The following RASGEF1C variants were observed in gnomAD, a reference collection of about 807,000 sequenced individuals.
RASGEF1C encodes the protein ras-GEF domain-containing family member 1C.
In RASGEF1C, 27 loss-of-function variants were observed where a neutral mutation model predicts 58.1. The ratio of observed to expected loss-of-function variants is 0.46; its 90% CI spans 0.34 to 0.64. The LOEUF is 0.64. RASGEF1C is among the 30% of genes least tolerant of loss of function. RASGEF1C has a pLI of 0.01. For synonymous variants in RASGEF1C, 243 were observed against 246.3 expected (o/e 0.99, Z 0.13); for missense variants, 502 against 605.1 (o/e 0.83, Z 1.79).
chr5:180,181,472 G>A (rs561001004), intron 1 of RASGEF1C, among the ~76,000 whole-genome samples: 12 of 152,258 alleles, frequency 7.9e-5, no homozygotes, highest in African/African-American at 2.9e-4. Context: ...AGGCCACACT[G>A]GAGTGGAGTG....
At chr5:180,180,387 A>G (rs1241995158) in intron 1 of RASGEF1C, among the ~76,000 whole-genome samples, 3 of 152,220 alleles carry the variant, frequency 2.0e-5, no homozygotes, top group Non-Finnish European at 2.9e-5. Flanking sequence ...GTTTGAGACG[A>G]GCTCCACGAC....
At chr5:180,157,475 T>A (rs6873598) in intron 1 of RASGEF1C, among the ~76,000 whole-genome samples, 80,035 of 151,182 alleles carry the variant, frequency 0.53, 22,046 homozygotes, top group East Asian at 0.69. Flanking sequence ...AAAAAATACA[T>A]AATTAGCCGG....
intron 1 of RASGEF1C, among the ~76,000 whole-genome samples, chr5:180,153,355 T>C (rs1408029011): frequency 4.6e-5 from 7 of 152,140 alleles, no homozygotes; most frequent in Non-Finnish European, 1.0e-4. Context: ...CAGCCTGCCA[T>C]GGGATTTGGG....
At chr5:180,103,366 C>T (rs534741122) in intron 12 of RASGEF1C, among the ~76,000 whole-genome samples, 150 of 152,314 alleles carry the variant, frequency 9.8e-4, no homozygotes, top group South Asian at 5.2e-3. Flanking sequence ...CGTGAGCCAC[C>T]GCACCCGGCA....
chr5:180,138,354 C>T (rs1004379386), intron 1 of RASGEF1C: 6 of 299,646 alleles, frequency 2.0e-5, no homozygotes, highest in Admixed American at 5.1e-5. Flanking sequence ...CCCCCCGGCA[C>T]CCCTCCACGA....
At chr5:180,152,636 C>T (rs1382565507) in intron 1 of RASGEF1C, among the ~76,000 whole-genome samples, 1 of 150,144 alleles carries the variant, frequency 6.7e-6, no homozygotes, top group Admixed American at 6.6e-5. Flanking sequence ...ATGGGTGCAG[C>T]ACACCAACAT....
At chr5:180,192,383 C>T (rs1561757430) in intron 1 of RASGEF1C, among the ~76,000 whole-genome samples, 1 of 152,152 alleles carries the variant, frequency 6.6e-6, no homozygotes, top group African/African-American at 2.4e-5. Flanking sequence ...AGCGTCCTCA[C>T]TGGGGTGAGG....
chr5:180,195,863 T>C (rs1234095570), intron 1 of RASGEF1C, among the ~76,000 whole-genome samples: 1 of 151,824 alleles, frequency 6.6e-6, no homozygotes, highest in Non-Finnish European at 1.5e-5. Flanking sequence ...CCGTGCATCC[T>C]CCCTGCCCAC....
rs1007846005 is a variant in RASGEF1C at position 180,101,165 on chromosome 5, G to A, written c.*336C>T. 5 of 330,568 alleles carry A rather than the reference G, an allele frequency of 1.5e-5. No homozygotes were observed. The highest frequency in any genetic ancestry group is 9.8e-5 in the South Asian group (1 of 10,248). The allele number at this position is 330,568 out of a possible 1,614,324, so 20.5% of individuals were successfully genotyped here. A position where few individuals can be genotyped will look rare whatever the true frequency, so the allele number is the denominator to read the frequency against. ...GGCACATGTCACCAAGCAAGGTCTC[G>A]AGCTTGCAGTGGTCCCACCCTCTGG... On this transcript the variant is annotated 3_prime_UTR_variant, in exon 14 of 14. Coordinates refer to ENST00000361132, the MANE Select transcript of RASGEF1C (RefSeq NM_175062.4).
At chr5:180,182,203 T>C (rs1767348068) in intron 1 of RASGEF1C, among the ~76,000 whole-genome samples, 1 of 28,666 alleles carries the variant, frequency 3.5e-5, no homozygotes, top group Admixed American at 5.3e-4. Flanking sequence ...AGACTCCGTC[T>C]CAAAAAAAAA....
chr5:180,133,402 C>T (rs1205639987), intron 4 of RASGEF1C, among the ~76,000 whole-genome samples: 1 of 152,180 alleles, frequency 6.6e-6, no homozygotes, highest in Admixed American at 6.5e-5. Flanking sequence ...CCACTGCTGT[C>T]TCCTCTGCAG....
At chr5:180,202,672 A>G (rs1396196351) in intron 1 of RASGEF1C, among the ~76,000 whole-genome samples, 1 of 152,108 alleles carries the variant, frequency 6.6e-6, no homozygotes, top group Non-Finnish European at 1.5e-5. Flanking sequence ...ATAGAAAGCA[A>G]GCAAGCAGGA....
chr5:180,146,265 C>G (rs1172278948), intron 1 of RASGEF1C, among the ~76,000 whole-genome samples: 1 of 152,208 alleles, frequency 6.6e-6, no homozygotes, highest in Non-Finnish European at 1.5e-5. Flanking sequence ...GTCTCAGCCT[C>G]ATGAATAGCT....
intron 1 of RASGEF1C, among the ~76,000 whole-genome samples, chr5:180,179,610 G>C (rs1767289234): frequency 6.6e-6 from 1 of 152,220 alleles, no homozygotes; most frequent in South Asian, 2.1e-4. Flanking sequence ...GGGTGAGGAG[G>C]CTCCCACGCT....
chr5:180,122,440 T>C (rs1457771414), intron 6 of RASGEF1C, among the ~76,000 whole-genome samples: 2 of 152,220 alleles, frequency 1.3e-5, no homozygotes, highest in African/African-American at 4.8e-5. Context: ...TAAATGTGTT[T>C]GTTAAAACTG....
chr5:180,109,043 C>T (rs1765913019), intron 12 of RASGEF1C, among the ~76,000 whole-genome samples: 1 of 152,178 alleles, frequency 6.6e-6, no homozygotes, highest in South Asian at 2.1e-4. Context: ...TAAAATGCCC[C>T]CCTTTTCTCC....
Position 180,101,171 on chromosome 5 carries a change from G to T in RASGEF1C, c.*330C>A, listed in dbSNP as rs1488829217. 1 of 361,452 alleles carries T rather than the reference G, an allele frequency of 2.8e-6. No homozygotes were observed. The highest frequency in any genetic ancestry group is 2.1e-5 in the African/African-American group (1 of 48,452). 22.4% of individuals were successfully genotyped at this position (361,452 alleles called of 1,614,324 possible). On this transcript the variant is annotated 3_prime_UTR_variant, in exon 14 of 14. Coordinates refer to ENST00000361132, the MANE Select transcript of RASGEF1C (RefSeq NM_175062.4). The stretch of plus-strand genomic sequence containing the variant: ...TGTCACCAAGCAAGGTCTCGAGCTT[G>T]CAGTGGTCCCACCCTCTGGGGCAGT...
chr5:180,201,631 C>T, intron 1 of RASGEF1C, among the ~76,000 whole-genome samples: 1 of 152,224 alleles, frequency 6.6e-6, no homozygotes, highest in East Asian at 1.9e-4. Context: ...CCACACGCAA[C>T]ACCTCAACTT....
chr5:180,152,789 T>TA (rs1766782844), intron 1 of RASGEF1C, among the ~76,000 whole-genome samples: 1 of 151,578 alleles, frequency 6.6e-6, no homozygotes, highest in Non-Finnish European at 1.5e-5. Context: ...GCAGCGCCTG[T>TA]AATCCCAGCT....
Sources: gnomAD v4.1 joint callset for allele counts (sites outside exome capture counted in the v4.1 genomes callset) on GRCh38, gnomAD v4.1.1 for gene constraint, MANE v1.5 for transcripts, NCBI Gene and HGNC (gene_info 2026-07-23, HGNC 2026-07-21) for gene names.